SHISAL2A: variants seen among roughly 807,000 people sequenced by gnomAD.
The protein encoded by SHISAL2A is shisa like 2A.
In SHISAL2A, 18 loss-of-function variants were observed where a neutral mutation model predicts 11.5. The ratio of observed to expected loss-of-function variants is 1.57; its 90% confidence interval spans 1.08 to 2.33. The LOEUF (loss-of-function observed/expected upper bound fraction) is 2.33, where lower values mean the gene tolerates loss of function less well. SHISAL2A is among the 30% of genes most tolerant of loss of function. The probability of loss-of-function intolerance (pLI) is 0.00; values close to 1 mark genes in which losing one functional copy is unlikely to be tolerated. For synonymous variants in SHISAL2A, 94 were observed against 99.6 expected (o/e 0.94, Z 0.34); for missense variants, 261 against 250.9 (o/e 1.04, Z -0.27).
At position 52,643,004 on chromosome 1, in the gene SHISAL2A, T is replaced by A; in HGVS notation, c.322+2T>A. ...TGGGCTTGAGCTTACAGACAGCAGG[T>A]AAGGAAGTTGCCAGGTGATGTCCTT... On this transcript the variant is annotated splice_donor_variant, in intron 2 of 2. Coordinates refer to ENST00000517870, the MANE Select transcript of SHISAL2A (RefSeq NM_001042693.3). LOFTEE classifies it high-confidence loss of function. 2.5e-6 allele frequency: 4 copies of A among 1,614,006 alleles called. No individual in the cohort carries two copies. Among genetic ancestry groups the A allele is most frequent in the Non-Finnish European group, 3.4e-6 (4 of 1,179,946 alleles).
Position 52,633,321 on chromosome 1 carries a change from G to C in SHISAL2A, c.-173G>C, listed in dbSNP as rs944680217. On this transcript the variant is annotated 5_prime_UTR_variant, in exon 1 of 3. Coordinates refer to ENST00000517870, the MANE Select transcript of SHISAL2A (RefSeq NM_001042693.3). This position sits in a 1 kb window ranked among gnomAD's most constrained non-coding sequence, Gnocchi z 6.4. ...CGGGCCGGGCACCTGGCCGCCGCTC[G>C]GTCCTCGGGGCCCCGCGCTGCTGTC... 2 of 563,262 alleles carry C rather than the reference G, an allele frequency of 3.6e-6. No individual in the cohort carries two copies. The highest frequency in any genetic ancestry group is 4.0e-5 in the African/African-American group (2 of 50,252). 34.9% of individuals were successfully genotyped at this position (563,262 alleles called of 1,614,324 possible). A position where few individuals can be genotyped will look rare whatever the true frequency, so the allele number is the denominator to read the frequency against.
In SHISAL2A at chr1:52,633,836, CT is replaced by C. The variant is rs2149870046; in HGVS notation, c.182+162del. Among the ~76,000 whole-genome samples the C allele has an allele frequency of 6.6e-6, 1 of 152,192 alleles. No homozygotes were observed. The highest frequency in any genetic ancestry group is 1.9e-4 in the East Asian group (1 of 5,168). ...CATCAACCACCCCGTGAAACCCCAT[CT>C]CAGCTCGATTTCCTCATCCTGACCC... On this transcript the variant is annotated intron_variant, in intron 1 of 2. Transcript: ENST00000517870. This position sits in a 1 kb window ranked among gnomAD's most constrained non-coding sequence, Gnocchi z 6.4.
chr1:52,660,755 GT>G (rs1007235770), downstream of SHISAL2A, among the ~76,000 whole-genome samples: 1 of 152,068 alleles, frequency 6.6e-6, no homozygotes, highest in Non-Finnish European at 1.5e-5. Context: ...CCTGCTAGGT[GT>G]TTTTTTCTCA....
intron 1 of SHISAL2A, 44 bp from the exon 2 acceptor site, chr1:52,642,819 G>C: frequency 6.2e-7 from 1 of 1,602,146 alleles, no homozygotes; most frequent in Non-Finnish European, 8.5e-7. Context: ...TGTCTCCCAA[G>C]TCCCTTCCTG....
At chr1:52,645,032 A>AAG (rs1382324087) in intron 2 of SHISAL2A, among the ~76,000 whole-genome samples, 1 of 151,084 alleles carries the variant, frequency 6.6e-6, no homozygotes, top group Non-Finnish European at 1.5e-5. Context: ...AAAAAAAAAA[A>AAG]AAGAAGAAGA....
intron 4 of SHISAL2A, among the ~76,000 whole-genome samples, chr1:52,663,480 G>A (rs1003734752): frequency 1.3e-5 from 2 of 152,200 alleles, no homozygotes; most frequent in African/African-American, 4.8e-5. Context: ...AGAACATGTG[G>A]CCGGGCGCGG....
intron 2 of SHISAL2A, among the ~76,000 whole-genome samples, chr1:52,649,842 T>C (rs1319011991): frequency 1.3e-5 from 2 of 152,208 alleles, no homozygotes; most frequent in Non-Finnish European, 2.9e-5. Flanking sequence ...AGGAGTCCAA[T>C]TCTTATCCTT....
intron 1 of SHISAL2A, among the ~76,000 whole-genome samples, chr1:52,636,658 A>G (rs550133214): frequency 2.6e-5 from 4 of 152,332 alleles, no homozygotes; most frequent in African/African-American, 9.6e-5. Context: ...CTTAAAGAAC[A>G]TTACCTAAGA....
At chr1:52,668,564 C>G (rs952237305) in intron 5 of SHISAL2A, 2 of 152,264 alleles carry the variant, frequency 1.3e-5, no homozygotes, top group African/African-American at 4.8e-5. Context: ...ACTGTTAATT[C>G]CAGGGCATGG....
intron 2 of SHISAL2A, among the ~76,000 whole-genome samples, chr1:52,644,873 T>C (rs1236772118): frequency 5.3e-5 from 8 of 150,788 alleles, no homozygotes; most frequent in Admixed American, 1.3e-4. Context: ...AAAAATTAGC[T>C]GGGCTTGGTG....
chr1:52,665,009 G>A (rs998206887), intron 4 of SHISAL2A, among the ~76,000 whole-genome samples: 3 of 152,106 alleles, frequency 2.0e-5, no homozygotes, highest in African/African-American at 4.8e-5. Context: ...GGCTGGTCTC[G>A]AACTCCCAGG....
rs530248153 is a variant in SHISAL2A, at chr1:52,639,727, G to A, written c.183-3136G>A. Among the ~76,000 whole-genome samples, 26 of 152,030 alleles carry A rather than the reference G, an allele frequency of 1.7e-4. No homozygotes were observed. The South Asian group carries it at 1.9e-3, about 11-fold the overall frequency. On this transcript the variant is annotated intron_variant, in intron 1 of 2. Transcript: ENST00000517870. ...AAGATTGCACCACTGCACTCCAGCC[G>A]GGGCGACAGAGTGAGACTCCATCTC...
At chr1:52,654,559 C>CT (rs1344188718) in intron 2 of SHISAL2A, among the ~76,000 whole-genome samples, 1 of 152,114 alleles carries the variant, frequency 6.6e-6, no homozygotes, top group Non-Finnish European at 1.5e-5. Context: ...GGAAGATAGT[C>CT]TTTTCAATAA....
chr1:52,635,865 G>A (rs1297167465), intron 1 of SHISAL2A, among the ~76,000 whole-genome samples: 2 of 152,230 alleles, frequency 1.3e-5, no homozygotes, highest in Non-Finnish European at 2.9e-5. Flanking sequence ...CAGGAATGAA[G>A]AAAGACAGCT....
intron 2 of SHISAL2A, among the ~76,000 whole-genome samples, chr1:52,654,172 A>G (rs1691736473): frequency 6.6e-6 from 1 of 151,966 alleles, no homozygotes; most frequent in Admixed American, 6.6e-5. Context: ...TGGCCTCTCA[A>G]AGTGTGGGGA....
At chr1:52,661,593 G>A (rs750341185), downstream of SHISAL2A, among the ~76,000 whole-genome samples, 6 of 152,166 alleles carry the variant, frequency 3.9e-5, no homozygotes, top group South Asian at 2.1e-4. Flanking sequence ...GGGAAGTCTC[G>A]TGTGTGGAAC....
At chr1:52,657,227 C>G (rs560725945), downstream of SHISAL2A, among the ~76,000 whole-genome samples, 1 of 152,284 alleles carries the variant, frequency 6.6e-6, no homozygotes, top group East Asian at 1.9e-4. Flanking sequence ...TTTGACATGA[C>G]TCCTAGGAAA....
chr1:52,652,574 T>C lies in SHISAL2A; in HGVS notation c.323-4216T>C, dbSNP rs546091805. On this transcript the variant is annotated intron_variant, in intron 2 of 2. Coordinates refer to ENST00000517870, the MANE Select transcript of SHISAL2A (RefSeq NM_001042693.3). ...TCTTGTATTGAAGAGAAGGTTGAAG[T>C]AAATCCCTGTACAAGTTGGAATGCC... Among the ~76,000 whole-genome samples the C allele has an allele frequency of 1.5e-4, 23 of 152,232 alleles. 1 individual carries two copies. In the East Asian group the frequency reaches 4.4e-3, roughly 29 times the overall value.
intron 1 of SHISAL2A, among the ~76,000 whole-genome samples, chr1:52,636,014 T>G (rs1691229797): frequency 6.6e-6 from 1 of 152,214 alleles, no homozygotes; most frequent in African/African-American, 2.4e-5. Flanking sequence ...AACAATGAAG[T>G]TTTGTTGAAG....
Sources: gnomAD v4.1 joint callset for allele counts (sites outside exome capture counted in the v4.1 genomes callset) on GRCh38, gnomAD v4.1.1 for gene constraint, Gnocchi (gnomAD v3.1) non-coding constraint, MANE v1.5 for transcripts, NCBI Gene and HGNC (gene_info 2026-07-23, HGNC 2026-07-21) for gene names.